DCTN6: variants seen among roughly 807,000 people sequenced by gnomAD.
DCTN6 encodes the protein dynactin subunit 6, also known as dynactin 6.
Under a neutral mutation model 25.8 loss-of-function variants are expected in DCTN6, and 15 were observed. The observed-to-expected ratio is 0.58, with a 90% CI of 0.39 to 0.89. The LOEUF is 0.89. Among genes scored for constraint, DCTN6 ranks in the 40% least tolerant of loss-of-function variants. The pLI is 0.00. For synonymous variants in DCTN6, 64 were observed against 78.3 expected, an observed-to-expected ratio of 0.82 and a Z score of 0.96; for missense variants, 198 against 237.6, an observed-to-expected ratio of 0.83 and a Z score of 1.09.
At chr8:30,182,840 G>T (rs1313575976) in intron 6 of DCTN6, among the ~76,000 whole-genome samples, 1 of 151,954 alleles carries the variant, frequency 6.6e-6, no homozygotes, top group South Asian at 2.1e-4. Flanking sequence ...TCAGCCTCCT[G>T]AGTAGCTATG....
chr8:30,158,051 A>AG (rs146093097), intron 1 of DCTN6, among the ~76,000 whole-genome samples: 1,912 of 152,202 alleles, frequency 0.013, 38 homozygotes, highest in East Asian at 0.055. Flanking sequence ...TCCGAGATAC[A>AG]AGGGGTCCTT....
chr8:30,171,750 G>A (rs950893016), intron 2 of DCTN6, among the ~76,000 whole-genome samples: 9 of 152,138 alleles, frequency 5.9e-5, no homozygotes, highest in African/African-American at 1.9e-4. Context: ...CTATGAAAAA[G>A]TTGTGCATTA....
chr8:30,172,730 G>C (rs938538755), intron 2 of DCTN6, among the ~76,000 whole-genome samples: 3 of 152,158 alleles, frequency 2.0e-5, no homozygotes, highest in Non-Finnish European at 4.4e-5. Flanking sequence ...TGGGATTACA[G>C]GCATGAGCCA....
At chr8:30,180,812 A>T in intron 6 of DCTN6, 182 bp downstream of exon 6, 1 of 700,120 alleles carries the variant, frequency 1.4e-6, no homozygotes, top group Non-Finnish European at 2.3e-6. Context: ...CAGGAGGATG[A>T]CTTGAGGGCA....
Position 30,164,545 on chromosome 8 carries a change from A to G in DCTN6, c.88+370A>G, listed in dbSNP as rs115260560. Among the ~76,000 whole-genome samples, 565 of 152,240 alleles carry G rather than the reference A, an allele frequency of 3.7e-3. 3 individuals carry two copies. The highest frequency in any genetic ancestry group is 0.013 in the African/African-American group (526 of 41,546). ...AGAGCGTGGGCCATGGAGTCAACAG[A>G]CCTGGGCTACTCTGCTCCTTGCTCC... On this transcript the variant is annotated intron_variant, in intron 2 of 6. Transcript: ENST00000221114.
chr8:30,170,617 G>T (rs1330874170), intron 2 of DCTN6, among the ~76,000 whole-genome samples: 1 of 151,712 alleles, frequency 6.6e-6, no homozygotes, highest in African/African-American at 2.4e-5. Context: ...TATTGTGCAA[G>T]ACATCTTATG....
At position 30,164,207 on chromosome 8, in the gene DCTN6, A is replaced by G. The variant is rs775274766; in HGVS notation, c.88+32A>G. On this transcript the variant is annotated intron_variant, in intron 2 of 6. Coordinates refer to ENST00000221114, the MANE Select transcript of DCTN6 (RefSeq NM_006571.4). Reference sequence around the variant, plus strand: ...AATAGTTTATTTACTGTTTTTCAAGAATTGATGTGATTTAATCTATTTTAG... The same window carrying G: ...AATAGTTTATTTACTGTTTTTCAAGGATTGATGTGATTTAATCTATTTTAG... The G allele has an allele frequency of 3.9e-6, 6 of 1,523,162 alleles. No individual in the cohort carries two copies. The South Asian group carries it at 6.7e-5, about 17-fold the overall frequency. 94.4% of individuals were successfully genotyped at this position (1,523,162 alleles called of 1,614,324 possible). A position where few individuals can be genotyped will look rare whatever the true frequency, so the allele number is the denominator to read the frequency against.
chr8:30,172,866 A>G (rs1331913739), intron 2 of DCTN6, among the ~76,000 whole-genome samples: 2 of 152,156 alleles, frequency 1.3e-5, no homozygotes, highest in East Asian at 1.9e-4. Flanking sequence ...ATGTTATTTT[A>G]TATATGTATC....
chr8:30,159,140 C>T (rs945314288), intron 1 of DCTN6, among the ~76,000 whole-genome samples: 30 of 152,194 alleles, frequency 2.0e-4, no homozygotes, highest in African/African-American at 7.0e-4. Context: ...ATTTCATTGA[C>T]TTACGCCTTA....
intron 2 of DCTN6, among the ~76,000 whole-genome samples, chr8:30,169,639 A>T (rs560389267): frequency 6.6e-6 from 1 of 152,222 alleles, no homozygotes; most frequent in Admixed American, 6.5e-5. Context: ...TTATTTTTAA[A>T]GCACTTTAAC....
At chr8:30,176,220 CT>C (rs1803829433) in intron 3 of DCTN6, among the ~76,000 whole-genome samples, 1 of 152,210 alleles carries the variant, frequency 6.6e-6, no homozygotes, top group Non-Finnish European at 1.5e-5. Context: ...AGAAGACCCA[CT>C]GGACTTTGAA....
chr8:30,165,974 G>A (rs1024901878), intron 2 of DCTN6: 8 of 152,054 alleles, frequency 5.3e-5, no homozygotes, highest in African/African-American at 1.4e-4. Flanking sequence ...AACCACTTGC[G>A]AAGTGTTTAT....
chr8:30,164,591 A>G (rs4531003), intron 2 of DCTN6, among the ~76,000 whole-genome samples: 1,609 of 152,298 alleles, frequency 0.011, 36 homozygotes, highest in East Asian at 0.057. Context: ...GGTTACTTTG[A>G]ACATATTACT....
chr8:30,177,532 C>A (rs1803857080), intron 4 of DCTN6: 1 of 168,276 alleles, frequency 5.9e-6, no homozygotes, highest in Admixed American at 6.0e-5. Context: ...CATGGTGAAA[C>A]CCCATCTCTA....
At chr8:30,166,412 T>C (rs1037592259) in intron 2 of DCTN6, among the ~76,000 whole-genome samples, 1 of 151,624 alleles carries the variant, frequency 6.6e-6, no homozygotes, top group Non-Finnish European at 1.5e-5. Context: ...CTTCCCAAAG[T>C]GTTGGGATTA....
chr8:30,176,391 G>A (rs1010975237), intron 3 of DCTN6, among the ~76,000 whole-genome samples: 5 of 152,038 alleles, frequency 3.3e-5, no homozygotes, highest in Non-Finnish European at 7.4e-5. Flanking sequence ...AATTAGCCGG[G>A]CGTGGTGGCA....
rs113710660 is a variant in DCTN6, at chr8:30,161,633, G to T, written c.24-2478G>T. ...TGATTTTTGTGCTTCTTCTCATTCA[G>T]TGATGTCCAACCTGGGAGGGGGGAA... On this transcript the variant is annotated intron_variant, in intron 1 of 6. Transcript: ENST00000221114. 2.8e-3 allele frequency among the ~76,000 whole-genome samples: 422 copies of T among 152,174 alleles called. 4 individuals are homozygous for T. Among genetic ancestry groups the T allele is most frequent in the African/African-American group, 9.0e-3 (374 of 41,500 alleles).
intron 1 of DCTN6, among the ~76,000 whole-genome samples, chr8:30,161,809 G>T (rs916786514): frequency 2.0e-5 from 3 of 149,504 alleles, no homozygotes; most frequent in African/African-American, 7.4e-5. Context: ...GTGCAGTGGC[G>T]TAGTCTTGGT....
intron 6 of DCTN6, among the ~76,000 whole-genome samples, chr8:30,181,613 C>T (rs1389887365): frequency 2.0e-5 from 3 of 152,040 alleles, no homozygotes; most frequent in African/African-American, 7.2e-5. Flanking sequence ...CCTTTTCCTC[C>T]CACTAAAGAA....
Sources: allele counts gnomAD v4.1 joint callset (sites outside exome capture counted in the v4.1 genomes callset), GRCh38; gene constraint gnomAD v4.1.1; transcripts MANE v1.5; gene names NCBI Gene and HGNC (gene_info 2026-07-23, HGNC 2026-07-21).